TRIM36: variants seen among roughly 807,000 people sequenced by gnomAD.
TRIM36 encodes the protein E3 ubiquitin-protein ligase TRIM36.
Under a neutral mutation model 72.4 loss-of-function variants are expected in TRIM36, and 42 were observed. The observed-to-expected ratio is 0.58, with a 90% confidence interval of 0.45 to 0.75. The LOEUF is 0.75. Among genes scored for constraint, TRIM36 ranks in the 30% least tolerant of loss-of-function variants. The probability of loss-of-function intolerance (pLI) is 0.00; values close to 1 mark genes in which losing one functional copy is unlikely to be tolerated. For missense variants in TRIM36, 913 were observed against 857.1 expected (o/e 1.07, Z -0.81); for synonymous variants, 315 against 282.8 (o/e 1.11, Z -1.14).
chr5:115,179,276 G>A (rs1428488591), intron 1 of TRIM36, among the ~76,000 whole-genome samples: 1 of 152,068 alleles, frequency 6.6e-6, no homozygotes, highest in Non-Finnish European at 1.5e-5. Context: ...CGCCTGCTGA[G>A]GGCGTCGTCG....
Position 115,176,190 on chromosome 5 carries a change from C to CAGTTTAG in TRIM36, c.63+3778_63+3784dup, listed in dbSNP as rs1444437242. Among the ~76,000 whole-genome samples, 14 of 152,248 alleles carry CAGTTTAG rather than the reference C, an allele frequency of 9.2e-5. No individual in the cohort carries two copies. In the East Asian group the frequency reaches 2.7e-3, roughly 29 times the overall value. The stretch of plus-strand genomic sequence containing the variant: ...GGGCACAACCTTACCATTATCACCC[C>CAGTTTAG]AGTTTAGATTTTAGTTGTGTGAGCA... On this transcript the variant is annotated intron_variant, in intron 1 of 9. Transcript: ENST00000282369.
chr5:115,137,727 G>A, intron 5 of TRIM36, 111 bp from the exon 6 acceptor site: 2 of 1,211,142 alleles, frequency 1.7e-6, no homozygotes. Context: ...TCATCTATGT[G>A]ATGACAGCAT....
In TRIM36 at chr5:115,169,721, G is replaced by A; in HGVS notation, c.-87C>T. On this transcript the variant is annotated 5_prime_UTR_variant, in exon 1 of 10. Transcript: ENST00000513154. The stretch of plus-strand genomic sequence containing the variant: ...GGTCTGGTGGGCGGGTCCCTGCGGC[G>A]GCCGTGGAGCCTCGGTCCGAAGCTG... The A allele has an allele frequency of 2.0e-6, 3 of 1,482,788 alleles. No homozygotes were observed. Among genetic ancestry groups the A allele is most frequent in the Non-Finnish European group, 2.7e-6 (3 of 1,113,758 alleles). The allele number at this position is 1,482,788 out of a possible 1,614,324, so 91.9% of individuals were successfully genotyped here. A position where few individuals can be genotyped will look rare whatever the true frequency, so the allele number is the denominator to read the frequency against.
chr5:115,177,733 CAG>C lies in TRIM36; in HGVS notation c.63+2240_63+2241del, dbSNP rs550292648. ...CTCTCCCCCTCCAACCCCCACAAAA[CAG>C]AGAGAGGAATTGTCCTAAGTTCTTC... is the stretch of plus-strand genomic sequence containing the variant. On this transcript the variant is annotated intron_variant, in intron 1 of 9. Transcript: ENST00000282369. The C allele has an allele frequency of 1.7e-4, 278 of 1,614,048 alleles. 1 individual carries two copies. The highest frequency in any genetic ancestry group is 1.3e-3 in the African/African-American group (94 of 75,028).
In TRIM36 at chr5:115,163,557, AG is replaced by A; in HGVS notation, c.222del (p.Ser75ProfsTer20). 1 of 1,614,126 alleles carries A rather than the reference AG, an allele frequency of 6.2e-7. No homozygotes were observed. Among genetic ancestry groups the A allele is most frequent in the Non-Finnish European group, 8.5e-7 (1 of 1,180,030 alleles). The part of the protein sequence containing the change: ...SNQSSPRLRL[P>X]SPSMDKIDRI... ...CGGTCAATTTTATCCATACTAGGGG[AG>A]GGGAGCCGAAGTCGAGGACTGCTTT... On this transcript the variant is annotated frameshift_variant, in exon 2 of 10. Coordinates refer to ENST00000513154, the MANE Select transcript of TRIM36 (RefSeq NM_001300759.2). LOFTEE classifies it high-confidence loss of function.
intron 6 of TRIM36, 96 bp downstream of exon 6, chr5:115,137,267 C>G: frequency 6.7e-7 from 1 of 1,503,114 alleles, no homozygotes; most frequent in Non-Finnish European, 8.9e-7. Context: ...CACATTAACA[C>G]AGCATTATGG....
In TRIM36 at chr5:115,147,261, T is replaced by C. The variant is rs1433486887; in HGVS notation, c.396A>G (p.Arg132=). The change falls in exon 3 of 10, where the codon AGA becomes AGG. Residue 132 remains arginine (R), a synonymous_variant. Transcript: ENST00000513154. ...TGGCTGCCCTAGCTGCTTGACGATA[T>C]CTTTCCACAATAGTTTCCAAAGTGA... ...RNFTLETIVE[R]YRQAARAATA... 1.1e-5 allele frequency: 18 copies of C among 1,614,072 alleles called. No homozygotes were observed. The highest frequency in any genetic ancestry group is 1.4e-5 in the Non-Finnish European group (16 of 1,180,046).
At chr5:115,144,447 C>G (rs2112830972) in intron 4 of TRIM36, 151 bp downstream of exon 4, 1 of 916,040 alleles carries the variant, frequency 1.1e-6, no homozygotes, top group East Asian at 2.7e-5. Context: ...GAAATACTAA[C>G]AACCTAATAT....
chr5:115,137,386 C>G lies in TRIM36; in HGVS notation c.1062G>C (p.Gln354His). The G allele has an allele frequency of 6.2e-7, 1 of 1,611,246 alleles. No homozygotes were observed. Among genetic ancestry groups the G allele is most frequent in the Non-Finnish European group, 8.5e-7 (1 of 1,179,294 alleles). ...ACCTGAGGTGGAGCTGCTTTGCTGTCTGCACAAAGCAAGACTGATCTGTCT... is the reference window on the plus strand; with the variant it reads ...ACCTGAGGTGGAGCTGCTTTGCTGTGTGCACAAAGCAAGACTGATCTGTCT... Reference protein sequence around the residue: ...LKETDQSCFVQTAKQLHLRIQ... With the variant: ...LKETDQSCFVHTAKQLHLRIQ... Residue 354 changes from glutamine (Q) to histidine (H), a missense_variant, in exon 6 of 10, where the codon CAG becomes CAC. By Grantham distance (24) the Gln-to-His change is conservative (BLOSUM62 0). Transcript: ENST00000513154.
At position 115,130,704 on chromosome 5, in the gene TRIM36, G is replaced by A. The variant is rs1307936869; in HGVS notation, c.1684C>T (p.His562Tyr). The change falls in exon 9 of 10, where the codon CAC becomes TAC. Residue 562 changes from histidine to tyrosine, a missense_variant. His to Tyr is a moderately conservative substitution (Grantham distance 83). Transcript: ENST00000513154. ...IGDTGITKGK[H>Y]FWAFRVEPYS... is the part of the protein sequence containing the mutation. ...GGTTCCACACGGAAGGCCCAGAAGT[G>A]TTTTCCTTTTGTAATGCCAGTATCT... The A allele has an allele frequency of 1.2e-6, 2 of 1,614,142 alleles. No individual in the cohort carries two copies. Among genetic ancestry groups the A allele is most frequent in the South Asian group, 1.1e-5 (1 of 91,078 alleles).
At chr5:115,171,476 T>C (rs1755115171), upstream of TRIM36, among the ~76,000 whole-genome samples, 2 of 152,110 alleles carry the variant, frequency 1.3e-5, no homozygotes, top group South Asian at 4.1e-4. Flanking sequence ...TAGGTGCCTA[T>C]ATATATATAC....
intron 2 of TRIM36, among the ~76,000 whole-genome samples, chr5:115,158,148 G>C (rs181324056): frequency 1.4e-5 from 2 of 146,068 alleles, no homozygotes; most frequent in South Asian, 2.2e-4. Flanking sequence ...AGAAAGAAAA[G>C]TAATGATGGC....
In TRIM36 at chr5:115,125,994, T is replaced by C. The variant is rs1752342923; in HGVS notation, c.*509A>G. 1 of 152,674 alleles carries C rather than the reference T, an allele frequency of 6.5e-6. No individual in the cohort carries two copies. Among genetic ancestry groups the C allele is most frequent in the Non-Finnish European group, 1.5e-5 (1 of 68,406 alleles). 9.5% of individuals were successfully genotyped at this position (152,674 alleles called of 1,614,324 possible). A position where few individuals can be genotyped will look rare whatever the true frequency, so the allele number is the denominator to read the frequency against. On this transcript the variant is annotated 3_prime_UTR_variant, in exon 10 of 10. Transcript: ENST00000513154. ...TTCCACTTAAATATACTACCACTTTTATGGTGTTTTTCTTTTAACCTATCT... is the reference window on the plus strand; with the variant it reads ...TTCCACTTAAATATACTACCACTTTCATGGTGTTTTTCTTTTAACCTATCT...
chr5:115,172,170 ATT>A (rs1419257371), upstream of TRIM36, among the ~76,000 whole-genome samples: 1 of 152,116 alleles, frequency 6.6e-6, no homozygotes, highest in Admixed American at 6.5e-5. Flanking sequence ...AGCCTCTCTT[ATT>A]TTGCTCAAAC....
intron 1 of TRIM36, chr5:115,179,926 T>G: frequency 6.4e-7 from 1 of 1,559,138 alleles, no homozygotes; most frequent in Middle Eastern, 1.9e-4. Context: ...GGCCAGGTAG[T>G]GCCGGAGTCG....
At chr5:115,130,959 T>G in intron 8 of TRIM36, 70 bp from the exon 9 acceptor site, 2 of 1,486,442 alleles carry the variant, frequency 1.3e-6, no homozygotes, top group Non-Finnish European at 1.8e-6. Flanking sequence ...TCTGATAGGT[T>G]TTCTTACAGA....
At chr5:115,175,790 T>A (rs758404995) in intron 1 of TRIM36, among the ~76,000 whole-genome samples, 1 of 152,110 alleles carries the variant, frequency 6.6e-6, no homozygotes, top group Non-Finnish European at 1.5e-5. Context: ...AGCACATACA[T>A]TTCACCCAAT....
intron 2 of TRIM36, among the ~76,000 whole-genome samples, chr5:115,156,016 A>C (rs1334453461): frequency 6.6e-6 from 1 of 152,196 alleles, no homozygotes; most frequent in Non-Finnish European, 1.5e-5. Flanking sequence ...AACAGCGACC[A>C]AGCTGAGAAT....
At chr5:115,166,738 G>C (rs979754963) in intron 1 of TRIM36, among the ~76,000 whole-genome samples, 2 of 152,198 alleles carry the variant, frequency 1.3e-5, no homozygotes, top group African/African-American at 2.4e-5. Context: ...AGGGAGCCTG[G>C]ACTTAGGAGC....
Sources: gnomAD v4.1 joint callset for allele counts (sites outside exome capture counted in the v4.1 genomes callset) on GRCh38, gnomAD v4.1.1 for gene constraint, MANE v1.5 for transcripts, NCBI Gene and HGNC (gene_info 2026-07-23, HGNC 2026-07-21) for gene names.